The following SLC25A10 variants were observed in gnomAD, a reference collection of about 807,000 sequenced individuals.
SLC25A10 encodes solute carrier family 25 member 10, also known as mitochondrial dicarboxylate carrier.
Under a neutral mutation model 40.4 loss-of-function variants are expected in SLC25A10, and 32 were observed. The ratio of observed to expected loss-of-function variants is 0.79; its 90% CI spans 0.60 to 1.06. The LOEUF is 1.06. SLC25A10 is among the 50% of genes least tolerant of loss of function. The pLI is 0.00. For missense variants in SLC25A10, 394 were observed against 402.6 expected (o/e 0.98, Z 0.18); for synonymous variants, 181 against 171.1 (o/e 1.06, Z -0.45).
At chr17:81,719,681 C>T in intron 9 of SLC25A10, 150 bp from the exon 10 acceptor site, 1 of 910,968 alleles carries the variant, frequency 1.1e-6, no homozygotes, top group Admixed American at 2.0e-5. Context: ...CTGTTACCAG[C>T]CAGCAGCCGC....
In SLC25A10 at chr17:81,712,540, G is replaced by A. The variant is rs576531210; in HGVS notation, c.93+21G>A. Reference sequence around the variant, plus strand: ...TCAAGGTGAGGCCGGGGCCCGGGACGCGGGGCGGATGGGACCCTGGCGCCG... The same window carrying A: ...TCAAGGTGAGGCCGGGGCCCGGGACACGGGGCGGATGGGACCCTGGCGCCG... On this transcript the variant is annotated intron_variant, in intron 1 of 10. Transcript: ENST00000350690. 2.4e-6 allele frequency: 3 copies of A among 1,232,892 alleles called. No individual in the cohort carries two copies. The South Asian group carries it at 1.0e-4, about 42-fold the overall frequency. 76.4% of individuals were successfully genotyped at this position (1,232,892 alleles called of 1,614,324 possible). A position where few individuals can be genotyped will look rare whatever the true frequency, so the allele number is the denominator to read the frequency against.
At chr17:81,716,880 G>A in intron 6 of SLC25A10, 25 bp downstream of exon 6, 2 of 1,610,120 alleles carry the variant, frequency 1.2e-6, no homozygotes, top group Non-Finnish European at 1.7e-6. Context: ...CTGTGCACAG[G>A]CAGGGTTCTG....
At chr17:81,716,909 C>A (rs2037498694) in intron 6 of SLC25A10, 54 bp downstream of exon 6, 1 of 1,603,900 alleles carries the variant, frequency 6.2e-7, no homozygotes, top group East Asian at 2.2e-5. Context: ...GCAGGGTGGG[C>A]AGCGCTGTAG....
At chr17:81,716,745 G>T in intron 5 of SLC25A10, 67 bp from the exon 6 acceptor site, 1 of 1,528,740 alleles carries the variant, frequency 6.5e-7, no homozygotes, top group Non-Finnish European at 8.9e-7. Flanking sequence ...CTCGGGGCCT[G>T]GGAGGACCCT....
chr17:81,715,985 T>A, intron 4 of SLC25A10, 24 bp from the exon 5 acceptor site: 9 of 1,404,032 alleles, frequency 6.4e-6, no homozygotes, highest in South Asian at 1.2e-5. Context: ...CGCCCGCCCC[T>A]CCCGCCACCT....
chr17:81,720,335 G>A lies in SLC25A10; in HGVS notation c.*258G>A, dbSNP rs577243878. On this transcript the variant is annotated 3_prime_UTR_variant, in exon 11 of 11. Coordinates refer to ENST00000350690, the MANE Select transcript of SLC25A10 (RefSeq NM_012140.5). ...TGCGTGGCCTTGCCCCTCTCCCGCT[G>A]GCAGCTCCTCAGGGGAACAGGGGCT... 7.0e-7 allele frequency: 1 copy of A among 1,425,702 alleles called. No individual in the cohort carries two copies. The allele number at this position is 1,425,702 out of a possible 1,614,324, so 88.3% of individuals were successfully genotyped here. A position where few individuals can be genotyped will look rare whatever the true frequency, so the allele number is the denominator to read the frequency against.
rs1193601808 is a variant in SLC25A10 at position 81,715,087 on chromosome 17, C to G, written c.213+15C>G. The G allele has an allele frequency of 6.2e-7, 1 of 1,606,694 alleles. No homozygotes were observed. The highest frequency in any genetic ancestry group is 1.1e-5 in the South Asian group (1 of 90,894). Reference sequence around the variant, plus strand: ...TGTGCAGACAGGTGCGTGGTGTGTGCCAGCCTTGGGCTCCCAGACTGGGGC... The same window carrying G: ...TGTGCAGACAGGTGCGTGGTGTGTGGCAGCCTTGGGCTCCCAGACTGGGGC... On this transcript the variant is annotated intron_variant, in intron 2 of 10. Transcript: ENST00000350690.
In SLC25A10 at chr17:81,720,120, G is replaced by A; in HGVS notation, c.*43G>A. ...TGGGCTGCCAGGCCAGACACGCTAGGTTCTTCCAAAGAGTCCCAAGCCCAG... is the reference window on the plus strand; with the variant it reads ...TGGGCTGCCAGGCCAGACACGCTAGATTCTTCCAAAGAGTCCCAAGCCCAG... On this transcript the variant is annotated 3_prime_UTR_variant, in exon 11 of 11. Transcript: ENST00000350690. 1 of 1,607,888 alleles carries A rather than the reference G, an allele frequency of 6.2e-7. No individual in the cohort carries two copies. Among genetic ancestry groups the A allele is most frequent in the Non-Finnish European group, 8.5e-7 (1 of 1,179,570 alleles).
chr17:81,717,859 C>T lies in SLC25A10; in HGVS notation c.703C>T (p.Gln235Ter). ...TRLMNSKGEYQGVFHCAVETA... is the reference protein window; with the variant it reads ...TRLMNSKGEY ...CCTGATGAACTCCAAGGGGGAGTAT[C>T]AGGTGAGTGGGGCCCTGCCTGTGCA... The change falls in exon 9 of 11, where the codon CAG (glutamine) becomes TAG (stop). Residue 235 changes from glutamine (Q) to a stop codon, truncating the protein, a stop_gained and splice_region_variant. Coordinates refer to ENST00000350690, the MANE Select transcript of SLC25A10 (RefSeq NM_012140.5). LOFTEE classifies it high-confidence loss of function. 2 of 1,606,478 alleles carry T rather than the reference C, an allele frequency of 1.2e-6. No homozygotes were observed. The highest frequency in any genetic ancestry group is 1.7e-6 in the Non-Finnish European group (2 of 1,177,234).
At chr17:81,713,004 G>A (rs1027450902) in intron 1 of SLC25A10, among the ~76,000 whole-genome samples, 2 of 152,156 alleles carry the variant, frequency 1.3e-5, no homozygotes, top group Non-Finnish European at 2.9e-5. Context: ...GCACACCGCC[G>A]GACGTGTCCC....
intron 5 of SLC25A10, 148 bp downstream of exon 5, chr17:81,716,198 G>A: frequency 1.2e-6 from 1 of 829,420 alleles, no homozygotes; most frequent in South Asian, 1.6e-5. Flanking sequence ...GGCTGTTCTG[G>A]ACTCGGGGGT....
At chr17:81,717,605 C>A in intron 8 of SLC25A10, 114 bp downstream of exon 8, 2 of 1,355,482 alleles carry the variant, frequency 1.5e-6, no homozygotes, top group Non-Finnish European at 2.1e-6. Flanking sequence ...CTGGCAGTGC[C>A]CCCTGGGGCT....
At chr17:81,716,738 G>A (rs1481901507) in intron 5 of SLC25A10, 74 bp from the exon 6 acceptor site, 38 of 1,497,636 alleles carry the variant, frequency 2.5e-5, no homozygotes, top group Admixed American at 3.9e-5. Context: ...GGCCTGCCTC[G>A]GGGCCTGGGA....
chr17:81,719,014 C>T (rs533584386), intron 9 of SLC25A10, among the ~76,000 whole-genome samples: 1 of 151,566 alleles, frequency 6.6e-6, no homozygotes, highest in South Asian at 2.1e-4. Flanking sequence ...TCATTGCAAC[C>T]TCCACCTCCT....
In SLC25A10 at chr17:81,715,518, T is replaced by C; in HGVS notation, c.254T>C (p.Val85Ala). 1.9e-6 allele frequency: 3 copies of C among 1,612,590 alleles called. No individual in the cohort carries two copies. Among genetic ancestry groups the C allele is most frequent in the South Asian group, 1.1e-5 (1 of 91,068 alleles). ...SLTRFAIYET[V>A]RDRVAKGSQG... ...ACTCGGTTCGCCATCTACGAGACTG[T>C]GCGGGACCGTGTGGCCAAGGGCAGC... The change falls in exon 3 of 11, where the codon GTG (valine) becomes GCG (alanine). Residue 85 changes from valine to alanine, a missense_variant. Transcript: ENST00000350690.
Position 81,720,542 on chromosome 17 carries a change from G to A in SLC25A10, c.*465G>A, listed in dbSNP as rs1156328420. ...GCTCTGCACTTCGTGTCTGCTGAGA[G>A]CAACCAGACCTTCCATGTCCTCGGG... On this transcript the variant is annotated 3_prime_UTR_variant, in exon 11 of 11. Transcript: ENST00000350690. The A allele has an allele frequency of 1.6e-6, 2 of 1,279,378 alleles. No individual in the cohort carries two copies. Among genetic ancestry groups the A allele is most frequent in the East Asian group, 2.9e-5 (1 of 34,292 alleles). The allele number at this position is 1,279,378 out of a possible 1,614,324, so 79.3% of individuals were successfully genotyped here.
intron 5 of SLC25A10, 62 bp from the exon 6 acceptor site, chr17:81,716,750 G>T: frequency 6.5e-7 from 1 of 1,545,608 alleles, no homozygotes; most frequent in Admixed American, 1.9e-5. Context: ...GGCCTGGGAG[G>T]ACCCTCTGTG....
rs2037573144 is a variant in SLC25A10 at position 81,720,598 on chromosome 17, TG to T, written c.*524del. 8.9e-7 allele frequency: 1 copy of T among 1,124,522 alleles called. No homozygotes were observed. The highest frequency in any genetic ancestry group is 1.6e-5 in the African/African-American group (1 of 62,482). The allele number at this position is 1,124,522 out of a possible 1,614,324, so 69.7% of individuals were successfully genotyped here. ...GCAACTCCCCGCGAGACCCCGCAGC[TG>T]GGTGGGATGAACAAGCAACGCAGAC... is the stretch of plus-strand genomic sequence containing the variant. On this transcript the variant is annotated 3_prime_UTR_variant, in exon 11 of 11. Coordinates refer to ENST00000350690, the MANE Select transcript of SLC25A10 (RefSeq NM_012140.5).
rs775513119 is a variant in SLC25A10 at position 81,714,977 on chromosome 17, G to A, written c.118G>A (p.Val40Met). The change falls in exon 2 of 11, where the codon GTG becomes ATG. Residue 40 changes from valine (V) to methionine (M), a missense_variant. Val to Met is a conservative substitution (Grantham distance 21, BLOSUM62 1). Transcript: ENST00000350690. The stretch of plus-strand genomic sequence containing the variant: ...GGTGCATCTGCAGACGCAGCAGGAG[G>A]TGAAGCTGCGCATGACGGGCATGGC... ...LKVHLQTQQE[V>M]KLRMTGMALR... 7 of 1,609,194 alleles carry A rather than the reference G, an allele frequency of 4.3e-6. No individual in the cohort carries two copies. The highest frequency in any genetic ancestry group is 8.5e-7 in the Non-Finnish European group (1 of 1,179,922).
Sources: gnomAD v4.1 joint callset for allele counts (sites outside exome capture counted in the v4.1 genomes callset) on GRCh38, gnomAD v4.1.1 for gene constraint, MANE v1.5 for transcripts, NCBI Gene and HGNC (gene_info 2026-07-23, HGNC 2026-07-21) for gene names.